The following PTPRD variants were observed in gnomAD, a reference collection of about 807,000 sequenced individuals.
PTPRD encodes protein tyrosine phosphatase receptor type D.
PTPRD carries 34 observed loss-of-function variants against 214.5 expected under a neutral mutation model. The ratio of observed to expected loss-of-function variants is 0.16; its 90% CI spans 0.12 to 0.21. The LOEUF is 0.21. Ranked by LOEUF, PTPRD falls within the 10% of genes least tolerant of loss-of-function variation. PTPRD has a pLI of 1.00. For synonymous variants in PTPRD, 1,128 were observed against 845.7 expected (o/e 1.33, Z -5.79); for missense variants, 2,545 against 2,398.7 (o/e 1.06, Z -1.27).
At chr9:10,443,845 T>TCACACACACACACACACACACACA (rs141638837) in intron 2 of PTPRD, among the ~76,000 whole-genome samples, 5 of 148,614 alleles carry the variant, frequency 3.4e-5, no homozygotes, top group East Asian at 2.0e-4. Context: ...TACCTCAAAT[T>TCACACACACACACACACACACACA]CACACACACA....
chr9:8,593,238 T>C (rs2094245915), intron 14 of PTPRD, among the ~76,000 whole-genome samples: 1 of 152,172 alleles, frequency 6.6e-6, no homozygotes, highest in African/African-American at 2.4e-5. Flanking sequence ...CTTTGTGAGG[T>C]CAAATTTTGC....
chr9:9,993,725 C>T (rs1459895397), intron 4 of PTPRD, among the ~76,000 whole-genome samples: 5 of 152,060 alleles, frequency 3.3e-5, no homozygotes, highest in East Asian at 1.9e-4. Context: ...TAATTACATG[C>T]GTCTGGTCAC....
At chr9:10,343,398 TC>T (rs2096984057) in intron 2 of PTPRD, among the ~76,000 whole-genome samples, 1 of 152,192 alleles carries the variant, frequency 6.6e-6, no homozygotes. Flanking sequence ...TCTGGTTGGT[TC>T]CAAGTCTTTG....
chr9:8,602,008 G>A (rs1160029260), intron 14 of PTPRD, among the ~76,000 whole-genome samples: 1 of 151,832 alleles, frequency 6.6e-6, no homozygotes, highest in African/African-American at 2.4e-5. Flanking sequence ...GACAGAAAAG[G>A]GTAGAAGATA....
intron 11 of PTPRD, among the ~76,000 whole-genome samples, chr9:8,807,708 A>C (rs59993760): frequency 1.3e-5 from 2 of 152,266 alleles, no homozygotes; most frequent in African/African-American, 4.8e-5. Flanking sequence ...ATAAAACACA[A>C]AACGTCTTTC....
At chr9:10,023,457 T>C (rs1264583540) in intron 4 of PTPRD, among the ~76,000 whole-genome samples, 1 of 152,194 alleles carries the variant, frequency 6.6e-6, no homozygotes, top group Non-Finnish European at 1.5e-5. Flanking sequence ...TTCCACGTAC[T>C]TGAGAAAGTA....
chr9:9,868,851 G>A (rs560205996), intron 5 of PTPRD, among the ~76,000 whole-genome samples: 55 of 152,098 alleles, frequency 3.6e-4, no homozygotes, highest in African/African-American at 1.3e-3. Context: ...AAAGTTGATA[G>A]AGAAACTTCT....
At chr9:10,320,815 C>T (rs1251208139) in intron 3 of PTPRD, among the ~76,000 whole-genome samples, 1 of 151,982 alleles carries the variant, frequency 6.6e-6, no homozygotes, top group Non-Finnish European at 1.5e-5. Context: ...GCAACCTCTG[C>T]CTTCTGGGCT....
At chr9:8,810,539 C>G (rs7858070) in intron 11 of PTPRD, among the ~76,000 whole-genome samples, 97,536 of 151,982 alleles carry the variant, frequency 0.64, 32,173 homozygotes, top group Middle Eastern at 0.73. Context: ...TCTTCAGCAT[C>G]AGCTGAAGCC....
chr9:8,906,046 G>A (rs780318378), intron 11 of PTPRD, among the ~76,000 whole-genome samples: 3 of 152,136 alleles, frequency 2.0e-5, no homozygotes, highest in South Asian at 2.1e-4. Flanking sequence ...AAATCTGTAC[G>A]TCCAAAGCTC....
chr9:8,448,498 T>C (rs1245020396), intron 34 of PTPRD, among the ~76,000 whole-genome samples: 1 of 152,172 alleles, frequency 6.6e-6, no homozygotes, highest in Non-Finnish European at 1.5e-5. Flanking sequence ...CTCAACAAGA[T>C]GCATCCAGAG....
At chr9:8,969,917 T>G (rs1352211117) in intron 11 of PTPRD, among the ~76,000 whole-genome samples, 1 of 151,974 alleles carries the variant, frequency 6.6e-6, no homozygotes, top group African/African-American at 2.4e-5. Context: ...AAATTACTAT[T>G]TTGATTAGTG....
intron 4 of PTPRD, among the ~76,000 whole-genome samples, chr9:9,957,663 C>T (rs1265624535): frequency 6.6e-6 from 1 of 151,978 alleles, no homozygotes; most frequent in Non-Finnish European, 1.5e-5. Context: ...AAAACCTTAA[C>T]ACAATATTAG....
At chr9:8,791,265 G>C (rs1052749330) in intron 11 of PTPRD, among the ~76,000 whole-genome samples, 6 of 150,632 alleles carry the variant, frequency 4.0e-5, no homozygotes, top group African/African-American at 1.5e-4. Context: ...TCGCTCTGTT[G>C]CCCAGGCTGG....
chr9:10,155,310 C>T (rs756887903), intron 3 of PTPRD, among the ~76,000 whole-genome samples: 41 of 151,904 alleles, frequency 2.7e-4, no homozygotes, highest in African/African-American at 9.9e-4. Context: ...TATCATGAGA[C>T]TTTGCTGAAG....
Position 8,446,657 on chromosome 9 carries a change from G to A in PTPRD, c.3988+3068C>T, listed in dbSNP as rs76054456. On this transcript the variant is annotated intron_variant, in intron 34 of 45. Transcript: ENST00000381196. ...ATATTATTAATAAATATTCTCAAGCGTTATAATGTTTGGGGATAAGCAATT... is the reference window on the plus strand; with the variant it reads ...ATATTATTAATAAATATTCTCAAGCATTATAATGTTTGGGGATAAGCAATT... Among the ~76,000 whole-genome samples, 307 of 152,138 alleles carry A rather than the reference G, an allele frequency of 2.0e-3. 1 individual carries two copies. Among genetic ancestry groups the A allele is most frequent in the African/African-American group, 6.3e-3 (262 of 41,482 alleles).
At chr9:9,624,203 A>G (rs185335656) in intron 7 of PTPRD, among the ~76,000 whole-genome samples, 1 of 152,212 alleles carries the variant, frequency 6.6e-6, no homozygotes, top group Non-Finnish European at 1.5e-5. Context: ...TAATTGCACT[A>G]TTAACTCTGC....
At chr9:10,337,976 T>TA (rs1013188965) in intron 3 of PTPRD, among the ~76,000 whole-genome samples, 7 of 151,280 alleles carry the variant, frequency 4.6e-5, no homozygotes, top group African/African-American at 1.2e-4. Flanking sequence ...AAATTTTTTT[T>TA]AAATTTATCT....
intron 9 of PTPRD, among the ~76,000 whole-genome samples, chr9:9,302,980 T>C (rs542948662): frequency 5.9e-5 from 9 of 152,122 alleles, no homozygotes; most frequent in African/African-American, 9.6e-5. Context: ...TTAGATTCTA[T>C]GCTATTCAAG....
Sources: allele counts gnomAD v4.1 joint callset (sites outside exome capture counted in the v4.1 genomes callset), GRCh38; gene constraint gnomAD v4.1.1; transcripts MANE v1.5; gene names NCBI Gene and HGNC (gene_info 2026-07-23, HGNC 2026-07-21).